The following NCKAP5 variants were observed in gnomAD, a reference collection of about 807,000 sequenced individuals.
NCKAP5 encodes nck-associated protein 5.
NCKAP5 carries 92 observed loss-of-function variants against 167.0 expected under a neutral mutation model. That is an observed-to-expected ratio of 0.55 (90% CI 0.47 to 0.66). The LOEUF is 0.66. NCKAP5 is among the 30% of genes least tolerant of loss of function. The pLI is 0.00. For synonymous variants in NCKAP5, 891 were observed against 877.4 expected (o/e 1.02, Z -0.27); for missense variants, 2,378 against 2,315.0 (o/e 1.03, Z -0.56).
At chr2:133,433,102 A>T (rs760557881) in intron 3 of NCKAP5, among the ~76,000 whole-genome samples, 5 of 152,364 alleles carry the variant, frequency 3.3e-5, no homozygotes, top group Non-Finnish European at 7.3e-5. Context: ...TTTCCCAGGC[A>T]TACCAGCTAT....
intron 16 of NCKAP5, among the ~76,000 whole-genome samples, chr2:132,769,658 T>C (rs17397470): frequency 0.12 from 18,798 of 152,202 alleles, 1,419 homozygotes; most frequent in East Asian, 0.19. Flanking sequence ...CTGGGAGACA[T>C]GCTCAGTCCT....
At chr2:133,554,654 T>C (rs182531528) in intron 2 of NCKAP5, among the ~76,000 whole-genome samples, 10 of 152,322 alleles carry the variant, frequency 6.6e-5, no homozygotes, top group African/African-American at 1.9e-4. Context: ...AGATGGAATT[T>C]GATCCAAAAT....
intron 8 of NCKAP5, chr2:132,929,970 TCTG>T: frequency 6.6e-6 from 1 of 152,200 alleles, no homozygotes; most frequent in Non-Finnish European, 1.5e-5. Flanking sequence ...TTCTTGCTAA[TCTG>T]CTGGTTTTTA....
At chr2:133,593,104 C>T in the NCKAP5 span, among the ~76,000 whole-genome samples, 25 of 152,232 alleles carry the variant, frequency 1.6e-4, no homozygotes, top group African/African-American at 1.9e-4. Context: ...TCACTACTAC[C>T]GTAATTTTAA....
chr2:133,654,564 T>G, the NCKAP5 span, among the ~76,000 whole-genome samples: 10 of 152,178 alleles, frequency 6.6e-5, no homozygotes, highest in Non-Finnish European at 1.0e-4. Flanking sequence ...AAAAGGAAAC[T>G]TTCTGTAGAT....
chr2:133,157,539 G>A (rs1003410674), intron 5 of NCKAP5, among the ~76,000 whole-genome samples: 4 of 152,116 alleles, frequency 2.6e-5, no homozygotes, highest in African/African-American at 4.8e-5. Flanking sequence ...TGGTTTTCAC[G>A]CTTTTGTTTG....
chr2:133,507,430 CG>C (rs1350555890), intron 3 of NCKAP5, among the ~76,000 whole-genome samples: 5 of 152,118 alleles, frequency 3.3e-5, no homozygotes, highest in African/African-American at 9.7e-5. Flanking sequence ...CAAAAAGGTG[CG>C]GAAAGACAGA....
At chr2:133,405,842 C>G (rs908132996) in intron 3 of NCKAP5, among the ~76,000 whole-genome samples, 4 of 152,172 alleles carry the variant, frequency 2.6e-5, no homozygotes, top group African/African-American at 9.7e-5. Context: ...CAATCTAATC[C>G]CCAGCATCTA....
chr2:133,083,490 A>C (rs944766150), intron 6 of NCKAP5, among the ~76,000 whole-genome samples: 5 of 152,194 alleles, frequency 3.3e-5, no homozygotes, highest in African/African-American at 1.2e-4. Context: ...CTCTGGTGAA[A>C]TATTATTCAT....
At chr2:133,508,654 T>A (rs1298352975) in intron 3 of NCKAP5, among the ~76,000 whole-genome samples, 1 of 152,146 alleles carries the variant, frequency 6.6e-6, no homozygotes, top group Non-Finnish European at 1.5e-5. Context: ...AAGCTCTACC[T>A]CCTGTTATGG....
chr2:132,771,311 T>C (rs1040593552), intron 16 of NCKAP5, among the ~76,000 whole-genome samples: 2 of 151,996 alleles, frequency 1.3e-5, no homozygotes, highest in Non-Finnish European at 1.5e-5. Context: ...AAATTTAAAA[T>C]GGGAAAAAAA....
At chr2:132,691,490 G>A (rs750317436) in intron 19 of NCKAP5, among the ~76,000 whole-genome samples, 1 of 152,044 alleles carries the variant, frequency 6.6e-6, no homozygotes, top group Non-Finnish European at 1.5e-5. Flanking sequence ...CCCTCCTTCA[G>A]GGCCTTTGCA....
At chr2:132,738,420 G>T (rs749113856) in intron 16 of NCKAP5, among the ~76,000 whole-genome samples, 1 of 152,196 alleles carries the variant, frequency 6.6e-6, no homozygotes, top group Non-Finnish European at 1.5e-5. Flanking sequence ...AATTCTAGAT[G>T]CCAAGTGGAA....
intron 5 of NCKAP5, among the ~76,000 whole-genome samples, chr2:133,164,986 G>C (rs1247486168): frequency 6.6e-6 from 1 of 152,220 alleles, no homozygotes; most frequent in Non-Finnish European, 1.5e-5. Context: ...TGTTGGCAAA[G>C]AAAGAGCAGT....
Position 132,783,115 on chromosome 2 carries a change from T to C in NCKAP5, c.3696A>G (p.Pro1232=), listed in dbSNP as rs1683203217. ...CACTCCCAGGGATGCTACTTTCCAATGGCTCTTGTAGTGCTGTTTCCAGGG... is the reference window on the plus strand; with the variant it reads ...CACTCCCAGGGATGCTACTTTCCAACGGCTCTTGTAGTGCTGTTTCCAGGG... The part of the protein sequence containing the change: ...GLPLETALQE[P]LESSIPGSDG... The change falls in exon 14 of 20, where the codon CCA becomes CCG. Residue 1232 remains proline, a synonymous_variant. Transcript: ENST00000409261. 1 of 1,613,816 alleles carries C rather than the reference T, an allele frequency of 6.2e-7. No individual in the cohort carries two copies. The highest frequency in any genetic ancestry group is 8.5e-7 in the Non-Finnish European group (1 of 1,179,808).
rs529548309 is a variant in NCKAP5 at position 133,425,253 on chromosome 2, G to A, written c.69+92205C>T. ...CACAGGTGAAGAATGGGGATAGAGG[G>A]AATTTCTAACATACAGATTGAGAGG... On this transcript the variant is annotated intron_variant, in intron 3 of 19. Transcript: ENST00000409261. Among the ~76,000 whole-genome samples, 3 of 152,338 alleles carry A rather than the reference G, an allele frequency of 2.0e-5. No homozygotes were observed. The South Asian group carries it at 6.2e-4, about 32-fold the overall frequency.
chr2:132,742,974 A>T (rs1574056196), intron 16 of NCKAP5, among the ~76,000 whole-genome samples: 1 of 151,930 alleles, frequency 6.6e-6, no homozygotes, highest in East Asian at 1.9e-4. Flanking sequence ...GAAGTAATGA[A>T]ATCCAACAGA....
chr2:132,932,081 T>A (rs1440742707), intron 8 of NCKAP5, among the ~76,000 whole-genome samples: 2 of 152,232 alleles, frequency 1.3e-5, no homozygotes, highest in African/African-American at 4.8e-5. Flanking sequence ...TCCTCACTGG[T>A]AATCACCTAT....
chr2:133,514,510 T>C (rs935221615), intron 3 of NCKAP5, among the ~76,000 whole-genome samples: 5 of 152,240 alleles, frequency 3.3e-5, no homozygotes, highest in Non-Finnish European at 5.9e-5. Flanking sequence ...AAGGGAGCTA[T>C]AATTTCTACT....
Sources: allele counts gnomAD v4.1 joint callset (sites outside exome capture counted in the v4.1 genomes callset), GRCh38; gene constraint gnomAD v4.1.1; transcripts MANE v1.5; gene names NCBI Gene and HGNC (gene_info 2026-07-23, HGNC 2026-07-21).